TEAD4: variants seen among roughly 807,000 people sequenced by gnomAD.
TEAD4 encodes the protein TEA domain transcription factor 4, also known as transcriptional enhancer factor TEF-3.
In TEAD4, 36 loss-of-function variants were observed where a neutral mutation model predicts 52.4. That is an observed-to-expected ratio of 0.69 (90% CI 0.53 to 0.91). The LOEUF is 0.91. TEAD4 is among the 40% of genes least tolerant of loss of function. The pLI is 0.00. For synonymous variants in TEAD4, 220 were observed against 231.0 expected (o/e 0.95, Z 0.43); for missense variants, 508 against 583.9 (o/e 0.87, Z 1.34).
At chr12:2,988,920 C>A (rs147838647) in intron 2 of TEAD4, among the ~76,000 whole-genome samples, 1 of 152,214 alleles carries the variant, frequency 6.6e-6, no homozygotes, top group East Asian at 1.9e-4. Context: ...AACCGTCCCA[C>A]GTGCCTTGCC....
intron 5 of TEAD4, among the ~76,000 whole-genome samples, chr12:3,016,353 C>G: frequency 6.6e-6 from 1 of 152,082 alleles, no homozygotes; most frequent in East Asian, 1.9e-4. Flanking sequence ...AATCAGAGCC[C>G]CTGAGTTGAC....
intron 2 of TEAD4, among the ~76,000 whole-genome samples, chr12:2,967,028 G>A (rs941655443): frequency 6.6e-5 from 10 of 152,158 alleles, no homozygotes; most frequent in Non-Finnish European, 8.8e-5. Flanking sequence ...TTTTATGGGC[G>A]TTGAGGGTAG....
chr12:3,023,813 A>G (rs1004570699), intron 10 of TEAD4, among the ~76,000 whole-genome samples: 3 of 150,924 alleles, frequency 2.0e-5, no homozygotes, highest in African/African-American at 7.4e-5. Context: ...AAAAGTGAAA[A>G]GCATCATATT....
chr12:3,012,138 GTAGAGACAGGAGTCCTCTC>G lies in TEAD4; in HGVS notation c.292-30_292-12del. 1 of 1,611,648 alleles carries G rather than the reference GTAGAGACAGGAGTCCTCTC, an allele frequency of 6.2e-7. No individual in the cohort carries two copies. Among genetic ancestry groups the G allele is most frequent in the Non-Finnish European group, 8.5e-7 (1 of 1,178,298 alleles). Reference sequence around the variant, plus strand: ...GCTGGGGAACACAGGTTGTTGGGAGGTAGAGACAGGAGTCCTCTCTCCCTGCCACAGGTCTCCAGCCACA... The same window carrying G: ...GCTGGGGAACACAGGTTGTTGGGAGGTCCCTGCCACAGGTCTCCAGCCACA... On this transcript the variant is annotated splice_polypyrimidine_tract_variant and intron_variant, in intron 4 of 12. Coordinates refer to ENST00000359864, the MANE Select transcript of TEAD4 (RefSeq NM_003213.4).
intron 2 of TEAD4, among the ~76,000 whole-genome samples, chr12:2,982,714 C>T (rs951228542): frequency 5.3e-5 from 8 of 152,186 alleles, no homozygotes; most frequent in African/African-American, 1.4e-4. Flanking sequence ...AACCCCATTT[C>T]GGTAACAAAC....
intron 10 of TEAD4, among the ~76,000 whole-genome samples, chr12:3,033,428 G>A (rs541327131): frequency 6.6e-5 from 10 of 152,256 alleles, no homozygotes; most frequent in African/African-American, 2.4e-4. Context: ...GAGGCCACCT[G>A]TCTCTGGGGC....
At chr12:3,018,477 C>G in intron 6 of TEAD4, 68 bp from the exon 7 acceptor site, 1 of 1,594,494 alleles carries the variant, frequency 6.3e-7, no homozygotes, top group South Asian at 1.1e-5. Flanking sequence ...GTCCTACCCC[C>G]ACCCCCACAC....
chr12:2,996,840 C>T (rs769691484), intron 3 of TEAD4, among the ~76,000 whole-genome samples: 4 of 152,146 alleles, frequency 2.6e-5, no homozygotes, highest in Non-Finnish European at 5.9e-5. Context: ...TTCACCCTCC[C>T]GAGTAGTTGG....
At chr12:2,961,493 G>C (rs1293076202) in intron 2 of TEAD4, among the ~76,000 whole-genome samples, 3 of 151,998 alleles carry the variant, frequency 2.0e-5, no homozygotes, top group Non-Finnish European at 2.9e-5. Flanking sequence ...CACCTCTTCG[G>C]CCTGGTGTGC....
At position 3,040,566 on chromosome 12, in the gene TEAD4, G is replaced by A; in HGVS notation, c.*88G>A. 1.6e-6 allele frequency: 2 copies of A among 1,218,890 alleles called. No homozygotes were observed. The highest frequency in any genetic ancestry group is 2.4e-6 in the Non-Finnish European group (2 of 844,410). 75.5% of individuals were successfully genotyped at this position (1,218,890 alleles called of 1,614,324 possible). Reference sequence around the variant, plus strand: ...GGACCTGCAGGGGCAGCCCCCTGAAGTGCCAAGAGAGCTGAGAGGAGCAGT... The same window carrying A: ...GGACCTGCAGGGGCAGCCCCCTGAAATGCCAAGAGAGCTGAGAGGAGCAGT... On this transcript the variant is annotated 3_prime_UTR_variant, in exon 13 of 13. Transcript: ENST00000359864.
At chr12:2,968,033 G>A (rs11062437) in intron 2 of TEAD4, among the ~76,000 whole-genome samples, 97,944 of 149,834 alleles carry the variant, frequency 0.65, 37,710 homozygotes, top group Non-Finnish European at 0.86. Flanking sequence ...CGCCATTTTT[G>A]TGGGTCTTCC....
intron 2 of TEAD4, among the ~76,000 whole-genome samples, chr12:2,972,949 T>G (rs184371863): frequency 3.8e-4 from 58 of 152,324 alleles, no homozygotes; most frequent in African/African-American, 1.3e-3. Context: ...GTAAAGACTG[T>G]TCCATCCCCC....
intron 10 of TEAD4, among the ~76,000 whole-genome samples, chr12:3,037,673 G>A (rs1473855542): frequency 1.3e-5 from 2 of 152,226 alleles, no homozygotes; most frequent in African/African-American, 4.8e-5. Flanking sequence ...AAATCTTAAA[G>A]ATGGAATCTG....
chr12:3,015,638 T>C (rs1317469701), intron 5 of TEAD4, among the ~76,000 whole-genome samples: 1 of 152,182 alleles, frequency 6.6e-6, no homozygotes, highest in Non-Finnish European at 1.5e-5. Flanking sequence ...GCTGCAGGGC[T>C]CACCGTTGCT....
At chr12:3,011,533 G>A (rs1343324764) in intron 4 of TEAD4, among the ~76,000 whole-genome samples, 7 of 151,804 alleles carry the variant, frequency 4.6e-5, no homozygotes, top group African/African-American at 1.5e-4. Flanking sequence ...CCCCCGGCCG[G>A]GTGGTCCAGT....
intron 2 of TEAD4, among the ~76,000 whole-genome samples, chr12:2,991,173 T>A (rs2098242666): frequency 6.6e-6 from 1 of 152,270 alleles, no homozygotes; most frequent in East Asian, 1.9e-4. Context: ...CACTTCAGCC[T>A]GGGCAACAGA....
chr12:2,986,259 CTT>C (rs2098238407), intron 2 of TEAD4, among the ~76,000 whole-genome samples: 1 of 152,056 alleles, frequency 6.6e-6, no homozygotes, highest in Admixed American at 6.6e-5. Context: ...GTAACAGTGT[CTT>C]TTTCTGGAAT....
rs191817840 is a variant in TEAD4 at position 3,007,939 on chromosome 12, A to G, written c.227-3065A>G. ...TTTGTCTTAGAAGGCTAAAACAGTT[A>G]CGGGACATCTGACCAGCATCTTAGC... On this transcript the variant is annotated intron_variant, in intron 3 of 12. Transcript: ENST00000359864. Among the ~76,000 whole-genome samples, 336 of 152,330 alleles carry G rather than the reference A, an allele frequency of 2.2e-3. 1 individual carries two copies. The highest frequency in any genetic ancestry group is 3.4e-3 in the Middle Eastern group (1 of 294).
Position 3,019,279 on chromosome 12 carries a change from C to T in TEAD4, c.583+109C>T, listed in dbSNP as rs111253698. 1,745 of 1,246,162 alleles carry T rather than the reference C, an allele frequency of 1.4e-3. 14 individuals carry two copies. In the African/African-American group the frequency reaches 0.02, roughly 14 times the overall value. The allele number at this position is 1,246,162 out of a possible 1,614,324, so 77.2% of individuals were successfully genotyped here. On this transcript the variant is annotated intron_variant, in intron 8 of 12. Transcript: ENST00000359864. ...TGCGTGTCCCTGTTAGATGCTGCCC[C>T]GTCATGCACACTGACCACACGTCCT...
Sources: allele counts gnomAD v4.1 joint callset (sites outside exome capture counted in the v4.1 genomes callset), GRCh38; gene constraint gnomAD v4.1.1; transcripts MANE v1.5; gene names NCBI Gene and HGNC (gene_info 2026-07-23, HGNC 2026-07-21).